COL13A1: variants seen among roughly 807,000 people sequenced by gnomAD.
COL13A1 encodes the protein collagen alpha-1(XIII) chain.
In COL13A1, 89 loss-of-function variants were observed where a neutral mutation model predicts 130.9. That is an observed-to-expected ratio of 0.68 (90% CI 0.57 to 0.81). The LOEUF (loss-of-function observed/expected upper bound fraction) is 0.81, where lower values mean the gene tolerates loss of function less well. Among genes scored for constraint, COL13A1 ranks in the 30% least tolerant of loss-of-function variants. COL13A1 has a pLI of 0.00. For missense variants in COL13A1, 879 were observed against 934.6 expected (o/e 0.94, Z 0.78); for synonymous variants, 402 against 341.6 (o/e 1.18, Z -1.95).
At chr10:69,881,465 A>G (rs2060131046) in intron 7 of COL13A1, among the ~76,000 whole-genome samples, 1 of 152,156 alleles carries the variant, frequency 6.6e-6, no homozygotes, top group South Asian at 2.1e-4. Context: ...CCCACAGCAG[A>G]GGGAGAGGGG....
intron 39 of COL13A1, among the ~76,000 whole-genome samples, chr10:69,953,351 G>A (rs576517675): frequency 2.0e-5 from 3 of 152,322 alleles, no homozygotes; most frequent in Admixed American, 6.5e-5. Flanking sequence ...GGCCACCTCT[G>A]TGGGCCAGTA....
intron 5 of COL13A1, among the ~76,000 whole-genome samples, chr10:69,876,598 G>C (rs764196016): frequency 6.6e-6 from 1 of 152,114 alleles, no homozygotes; most frequent in African/African-American, 2.4e-5. Flanking sequence ...GTTTTCTTCC[G>C]TTCTCTAACT....
At position 69,851,760 on chromosome 10, in the gene COL13A1, T is replaced by C. The variant is rs538032074; in HGVS notation, c.365-16038T>C. On this transcript the variant is annotated intron_variant, in intron 2 of 40. Transcript: ENST00000645393. ...ACCTCCACCTCCCTGATTCAAGTGA[T>C]TCTCCTGTCTCAGCCTCCCAAGTAG... 2.6e-5 allele frequency among the ~76,000 whole-genome samples: 4 copies of C among 152,214 alleles called. No homozygotes were observed. The South Asian group carries it at 8.3e-4, about 32-fold the overall frequency.
chr10:69,875,016 G>A, intron 4 of COL13A1, 112 bp from the exon 5 acceptor site: 1 of 1,343,206 alleles, frequency 7.4e-7, no homozygotes, highest in Non-Finnish European at 1.1e-6. Context: ...CGTCCCCGCT[G>A]CAAACTGGGT....
intron 31 of COL13A1, among the ~76,000 whole-genome samples, chr10:69,934,342 A>G (rs565350400): frequency 3.7e-4 from 56 of 152,358 alleles, no homozygotes; most frequent in African/African-American, 1.2e-3. Flanking sequence ...AAAAATGGGA[A>G]GCTTTTTTTA....
chr10:69,896,081 T>A (rs1050112381), intron 13 of COL13A1, among the ~76,000 whole-genome samples: 19 of 152,120 alleles, frequency 1.2e-4, no homozygotes, highest in Admixed American at 5.9e-4. Flanking sequence ...CATCCAAACC[T>A]CGATGATGGG....
At chr10:69,812,734 G>A (rs57843783) in intron 1 of COL13A1, among the ~76,000 whole-genome samples, 15,814 of 152,252 alleles carry the variant, frequency 0.1, 1,239 homozygotes, top group African/African-American at 0.21. Flanking sequence ...AATTGCCATT[G>A]AAAGTAATGG....
chr10:69,930,001 G>C, intron 28 of COL13A1, 42 bp from the exon 29 acceptor site: 6 of 1,593,424 alleles, frequency 3.8e-6, no homozygotes, highest in Non-Finnish European at 5.2e-6. Flanking sequence ...TGGCTGCTAT[G>C]TTCTCTGCCC....
At chr10:69,810,739 C>T (rs2132248715) in intron 1 of COL13A1, among the ~76,000 whole-genome samples, 1 of 152,256 alleles carries the variant, frequency 6.6e-6, no homozygotes, top group South Asian at 2.1e-4. Flanking sequence ...TCTGGGGAGA[C>T]TAGGGTGGAT....
chr10:69,897,413 G>A (rs2061754360), intron 13 of COL13A1: 2 of 1,550,934 alleles, frequency 1.3e-6, no homozygotes. Context: ...TGGTGTCTGT[G>A]GGCTCTCCCC....
intron 30 of COL13A1, among the ~76,000 whole-genome samples, chr10:69,931,722 C>T (rs187711481): frequency 9.8e-4 from 149 of 152,320 alleles, no homozygotes; most frequent in African/African-American, 3.3e-3. Context: ...GTCAGCCTCC[C>T]CGAGTTGACC....
At chr10:69,824,065 G>C (rs1422183474) in intron 2 of COL13A1, 1 of 471,456 alleles carries the variant, frequency 2.1e-6, no homozygotes, top group African/African-American at 2.0e-5. Flanking sequence ...AGAGGATGTA[G>C]GTTTGAATTC....
In COL13A1 at chr10:69,857,178, A is replaced by T. The variant is rs192430760; in HGVS notation, c.365-10620A>T. On this transcript the variant is annotated intron_variant, in intron 2 of 40. Transcript: ENST00000645393. ...TACCCCCAAGGTTTCCTCACTCAGG[A>T]CTTACGATTCTGACCCCAACCTGGA... Among the ~76,000 whole-genome samples the T allele has an allele frequency of 7.2e-5, 11 of 152,296 alleles. No individual in the cohort carries two copies. In the East Asian group the frequency reaches 2.1e-3, roughly 29 times the overall value.
intron 3 of COL13A1, 58 bp from the exon 4 acceptor site, chr10:69,872,126 C>T (rs762302268): frequency 6.2e-7 from 1 of 1,606,300 alleles, no homozygotes; most frequent in South Asian, 1.1e-5. Flanking sequence ...AGACAGTGTT[C>T]AACAGTTAGG....
intron 1 of COL13A1, among the ~76,000 whole-genome samples, chr10:69,803,801 C>T (rs956292617): frequency 2.6e-5 from 4 of 152,206 alleles, no homozygotes; most frequent in Admixed American, 6.5e-5. Context: ...GCTCCAACCC[C>T]TCTGAACATG....
chr10:69,803,758 C>T (rs887591649), intron 1 of COL13A1, among the ~76,000 whole-genome samples: 2 of 152,114 alleles, frequency 1.3e-5, no homozygotes, highest in East Asian at 3.9e-4. Flanking sequence ...GGGTTTTTAT[C>T]CCCACTCTGC....
At chr10:69,889,968 CCTCT>C (rs776660029) in intron 10 of COL13A1, among the ~76,000 whole-genome samples, 7 of 152,150 alleles carry the variant, frequency 4.6e-5, no homozygotes, top group Non-Finnish European at 5.9e-5. Context: ...GGCCCCTTCC[CCTCT>C]CCCTTCCTGG....
chr10:69,905,717 T>G, intron 16 of COL13A1, 70 bp from the exon 17 acceptor site: 1 of 1,547,306 alleles, frequency 6.5e-7, no homozygotes, highest in South Asian at 1.2e-5. Context: ...TGGTATTGTG[T>G]GGGGAACAGC....
At chr10:69,867,932 G>A in intron 3 of COL13A1, 127 bp downstream of exon 3, 1 of 665,836 alleles carries the variant, frequency 1.5e-6, no homozygotes, top group Non-Finnish European at 2.8e-6. Context: ...GCAGGCTCCT[G>A]AGGGGTCCCT....
Sources: gnomAD v4.1 joint callset for allele counts (sites outside exome capture counted in the v4.1 genomes callset) on GRCh38, gnomAD v4.1.1 for gene constraint, MANE v1.5 for transcripts, NCBI Gene and HGNC (gene_info 2026-07-23, HGNC 2026-07-21) for gene names.